Variants in HS6ST2 observed in about 807,000 individuals in gnomAD.
HS6ST2 encodes the protein heparan sulfate 6-O-sulfotransferase 2, also known as heparan-sulfate 6-O-sulfotransferase 2.
In HS6ST2, 17 loss-of-function variants were observed where a neutral mutation model predicts 33.0. The observed-to-expected ratio is 0.52, with a 90% CI of 0.35 to 0.77. The LOEUF is 0.77. Ranked by LOEUF, HS6ST2 falls within the 30% of genes least tolerant of loss-of-function variation. The pLI is 0.01. For synonymous variants in HS6ST2, 248 were observed against 237.1 expected (o/e 1.05, Z -0.42); for missense variants, 519 against 551.7 (o/e 0.94, Z 0.59).
At chrX:132,693,305 G>A (rs759946544) in intron 3 of HS6ST2, among the ~76,000 whole-genome samples, 2 of 112,056 alleles carry the variant, frequency 1.8e-5, no homozygotes, top group South Asian at 3.8e-4. Context: ...GTCCTGCCAC[G>A]GCTTCCTAGC....
intron 2 of HS6ST2, among the ~76,000 whole-genome samples, chrX:132,762,015 C>T (rs1307503593): frequency 8.9e-6 from 1 of 111,829 alleles, no homozygotes; most frequent in African/African-American, 3.2e-5. Flanking sequence ...TTGCTTAGTG[C>T]AATAGCTGGC....
intron 4 of HS6ST2, among the ~76,000 whole-genome samples, chrX:132,634,800 A>T (rs1211496865): frequency 2.7e-5 from 3 of 111,630 alleles, no homozygotes; most frequent in Admixed American, 1.9e-4. Context: ...CAGAAGCAGG[A>T]TGTCCTTCAA....
intron 2 of HS6ST2, among the ~76,000 whole-genome samples, chrX:132,773,757 T>C (rs918657531): frequency 8.9e-6 from 1 of 111,945 alleles, no homozygotes; most frequent in Non-Finnish European, 1.9e-5. Context: ...TCTGTTTACA[T>C]GAAATGTTCA....
intron 2 of HS6ST2, among the ~76,000 whole-genome samples, chrX:132,772,258 G>T (rs1037171402): frequency 1.8e-5 from 2 of 111,145 alleles, no homozygotes; most frequent in African/African-American, 6.5e-5. Context: ...GCTGTGAAAT[G>T]ACACATTTCT....
chrX:132,697,164 G>A (rs759401570), intron 3 of HS6ST2, among the ~76,000 whole-genome samples: 3 of 112,095 alleles, frequency 2.7e-5, no homozygotes, highest in Admixed American at 9.5e-5. Flanking sequence ...GTTTTCTTTG[G>A]ATTTATATGA....
chrX:132,826,336 G>A (rs1403273487), intron 2 of HS6ST2, among the ~76,000 whole-genome samples: 1 of 111,144 alleles, frequency 9.0e-6, no homozygotes, highest in African/African-American at 3.3e-5. Context: ...CAATATGATC[G>A]CCAGTAGCCA....
In HS6ST2 at chrX:132,723,079, GA is replaced by G. The variant is rs745969946; in HGVS notation, c.948-14586del. Among the ~76,000 whole-genome samples, 369 of 111,323 alleles carry G rather than the reference GA, an allele frequency of 3.3e-3. 2 individuals carry two copies. The highest frequency in any genetic ancestry group is 5.1e-3 in the Non-Finnish European group (268 of 53,011). ...TGCCAAAAAATTGGAAAATCCAGAA[GA>G]AATGGACAAATTCCTAGACACATAC... On this transcript the variant is annotated intron_variant, in intron 2 of 4. Coordinates refer to ENST00000370833, the MANE Select transcript of HS6ST2 (RefSeq NM_001394073.1).
At position 132,637,845 on chromosome X, in the gene HS6ST2, TATATAA is replaced by T. The variant is rs1569475923; in HGVS notation, c.1068-8758_1068-8753del. Reference sequence around the variant, plus strand: ...ATATAATATTATATATAATATTTTATATATAATATATATATAATATATTATATATAA... The same window carrying T: ...ATATAATATTATATATAATATTTTATTATATATATAATATATTATATATAA... On this transcript the variant is annotated intron_variant, in intron 4 of 4. Coordinates refer to ENST00000370833, the MANE Select transcript of HS6ST2 (RefSeq NM_001394073.1). 6.4e-3 allele frequency among the ~76,000 whole-genome samples: 262 copies of T among 40,662 alleles called. 1 individual carries two copies. Among genetic ancestry groups the T allele is most frequent in the African/African-American group, 0.023 (53 of 2,316 alleles). The allele number at this position is 40,662 out of a possible 115,157, so 35.3% of individuals were successfully genotyped here.
intron 3 of HS6ST2, among the ~76,000 whole-genome samples, chrX:132,687,774 A>T (rs2064030679): frequency 9.1e-6 from 1 of 110,399 alleles, no homozygotes; most frequent in Non-Finnish European, 1.9e-5. Context: ...TTTGAGACAA[A>T]GTCTTGCTCT....
At chrX:132,777,355 GA>G (rs201891879) in intron 2 of HS6ST2, among the ~76,000 whole-genome samples, 2,346 of 108,483 alleles carry the variant, frequency 0.022, 49 homozygotes, top group East Asian at 0.13. Flanking sequence ...TGAGTAAAAA[GA>G]AAAAAAATAA....
intron 2 of HS6ST2, among the ~76,000 whole-genome samples, chrX:132,733,640 G>T (rs2064479386): frequency 9.0e-6 from 1 of 111,075 alleles, no homozygotes; most frequent in African/African-American, 3.3e-5. Flanking sequence ...AAGACCATAG[G>T]ATTCAGAACA....
At chrX:132,703,785 A>C (rs1328495032) in intron 3 of HS6ST2, among the ~76,000 whole-genome samples, 1 of 112,411 alleles carries the variant, frequency 8.9e-6, no homozygotes, top group African/African-American at 3.2e-5. Flanking sequence ...ATTTATGTAC[A>C]TTCCTTTCCC....
At chrX:132,766,117 T>A (rs1450830232) in intron 2 of HS6ST2, among the ~76,000 whole-genome samples, 1 of 112,022 alleles carries the variant, frequency 8.9e-6, no homozygotes, top group Non-Finnish European at 1.9e-5. Flanking sequence ...ATTTGTATTT[T>A]CAACCAGACC....
intron 2 of HS6ST2, among the ~76,000 whole-genome samples, chrX:132,860,170 C>T (rs894513925): frequency 1.8e-5 from 2 of 112,155 alleles, no homozygotes; most frequent in Non-Finnish European, 3.8e-5. Flanking sequence ...ATCAAATGAG[C>T]TCTGCAAAAT....
At chrX:132,730,698 G>A (rs2064448940) in intron 2 of HS6ST2, among the ~76,000 whole-genome samples, 1 of 112,421 alleles carries the variant, frequency 8.9e-6, no homozygotes, top group South Asian at 3.8e-4. Context: ...CCCATCCTGT[G>A]AAATCACTCT....
At chrX:132,652,640 G>A (rs190963615) in intron 4 of HS6ST2, among the ~76,000 whole-genome samples, 129 of 111,151 alleles carry the variant, frequency 1.2e-3, no homozygotes, top group Non-Finnish European at 1.8e-3. Context: ...AGCTTTCATC[G>A]ATTTCATTTA....
intron 4 of HS6ST2, among the ~76,000 whole-genome samples, chrX:132,664,370 G>A (rs1015895085): frequency 1.7e-4 from 19 of 112,183 alleles, no homozygotes; most frequent in African/African-American, 5.8e-4. Flanking sequence ...CAAAAGCAAA[G>A]GGGTGCTGGT....
intron 2 of HS6ST2, among the ~76,000 whole-genome samples, chrX:132,834,366 C>T (rs1229541117): frequency 1.8e-5 from 2 of 111,956 alleles, no homozygotes; most frequent in African/African-American, 3.2e-5. Context: ...CAGAGCTTAA[C>T]GGATGGCCCA....
intron 3 of HS6ST2, among the ~76,000 whole-genome samples, chrX:132,703,472 G>A (rs1040011937): frequency 4.4e-5 from 5 of 112,505 alleles, no homozygotes; most frequent in East Asian, 5.6e-4. Flanking sequence ...TGACTGTACT[G>A]CATTTTGAGA....
Sources: gnomAD v4.1 joint callset for allele counts (sites outside exome capture counted in the v4.1 genomes callset) on GRCh38, gnomAD v4.1.1 for gene constraint, MANE v1.5 for transcripts, NCBI Gene and HGNC (gene_info 2026-07-23, HGNC 2026-07-21) for gene names.